FABP5: variants seen among roughly 807,000 people sequenced by gnomAD.
FABP5 encodes the protein fatty acid-binding protein 5.
Under a neutral mutation model 16.9 loss-of-function variants are expected in FABP5, and 7 were observed. The observed-to-expected ratio is 0.41, with a 90% confidence interval of 0.24 to 0.78. The LOEUF is 0.78. Among genes scored for constraint, FABP5 ranks in the 30% least tolerant of loss-of-function variants. FABP5 has a pLI of 0.30. For missense variants in FABP5, 119 were observed against 159.5 expected, an observed-to-expected ratio of 0.75 and a Z score of 1.37; for synonymous variants, 37 against 52.8, an observed-to-expected ratio of 0.70 and a Z score of 1.30.
At position 81,280,671 on chromosome 8, in the gene FABP5, C is replaced by G. The variant is rs1284716414; in HGVS notation, c.76C>G (p.Leu26Val). 6.4e-7 allele frequency: 1 copy of G among 1,557,040 alleles called. No individual in the cohort carries two copies. Among genetic ancestry groups the G allele is most frequent in the Non-Finnish European group, 8.7e-7 (1 of 1,149,422 alleles). The change falls in exon 1 of 4, where the codon CTA becomes GTA. Residue 26 changes from leucine to valine, a missense_variant. Leu to Val is a conservative substitution (Grantham distance 32). Coordinates refer to ENST00000297258, the MANE Select transcript of FABP5 (RefSeq NM_001444.3). ...SKGFDEYMKE[L>V]GVGIALRKMG... ...AGGCTTTGATGAATACATGAAGGAG[C>G]TAGGTGAGGCACCCGGCCTGGCAGC...
At chr8:81,284,224 G>T (rs537858815) in intron 3 of FABP5, 1 of 539,446 alleles carries the variant, frequency 1.9e-6, no homozygotes, top group South Asian at 3.0e-5. Context: ...TGAAATCTTG[G>T]CAAGCCACCA....
Position 81,283,975 on chromosome 8 carries a change from GT to G in FABP5, c.354+2del. The G allele has an allele frequency of 6.2e-7, 1 of 1,600,506 alleles. No homozygotes were observed. ...ATTGAAAGATGGGAAATTAGTGGTG[GT>G]AAGTGTCAAACTGCTGTGTCTCAGT... On this transcript the variant is annotated splice_donor_variant, in intron 3 of 3. Coordinates refer to ENST00000297258, the MANE Select transcript of FABP5 (RefSeq NM_001444.3). LOFTEE classifies it high-confidence loss of function.
intron 1 of FABP5, 157 bp from the exon 2 acceptor site, chr8:81,283,209 G>C (rs1351529779): frequency 2.0e-5 from 12 of 592,974 alleles, no homozygotes; most frequent in Non-Finnish European, 3.2e-5. Context: ...TATGTAAAGT[G>C]CTGGCTCATA....
Position 81,281,604 on chromosome 8 carries a change from A to G in FABP5, c.79+930A>G, listed in dbSNP as rs922727233. 5.1e-6 allele frequency: 5 copies of G among 985,436 alleles called. No homozygotes were observed. Among genetic ancestry groups the G allele is most frequent in the Non-Finnish European group, 6.0e-6 (5 of 829,932 alleles). The allele number at this position is 985,436 out of a possible 1,614,324, so 61.0% of individuals were successfully genotyped here. A position where few individuals can be genotyped will look rare whatever the true frequency, so the allele number is the denominator to read the frequency against. The stretch of plus-strand genomic sequence containing the variant: ...GGCCCTCCTGCGGCTAACTGCATGC[A>G]AGATGGGTGTGGCCCTGCAGAAGGC... On this transcript the variant is annotated intron_variant, in intron 1 of 3. Coordinates refer to ENST00000297258, the MANE Select transcript of FABP5 (RefSeq NM_001444.3). This position sits in a 1 kb window ranked among gnomAD's most constrained non-coding sequence, Gnocchi z 4.5.
rs1345763208 is a variant in FABP5, at chr8:81,283,523, T to C, written c.237T>C (p.Asp79=). The part of the protein sequence containing the change: ...LGEKFEETTA[D]GRKTQTVCNF... The stretch of plus-strand genomic sequence containing the variant: ...AGAAGTTTGAAGAAACCACAGCTGA[T>C]GGCAGAAAAACTCAGGTCAGTCGTG... The change falls in exon 2 of 4, where the codon GAT becomes GAC. Residue 79 remains aspartate (D), a synonymous_variant. Transcript: ENST00000297258. The C allele has an allele frequency of 6.2e-7, 1 of 1,610,576 alleles. No homozygotes were observed. The highest frequency in any genetic ancestry group is 1.7e-5 in the Admixed American group (1 of 59,270).
At chr8:81,282,833 A>G (rs537381201) in intron 1 of FABP5, among the ~76,000 whole-genome samples, 35 of 152,338 alleles carry the variant, frequency 2.3e-4, no homozygotes, top group African/African-American at 8.4e-4. Context: ...GAGAACATTT[A>G]TATGCCAGAC....
chr8:81,280,612 A>C lies in FABP5; in HGVS notation c.17A>C (p.Gln6Pro). 3 of 1,557,540 alleles carry C rather than the reference A, an allele frequency of 1.9e-6. No homozygotes were observed. The highest frequency in any genetic ancestry group is 1.7e-6 in the Non-Finnish European group (2 of 1,149,798). Residue 6 changes from glutamine to proline, a missense_variant, in exon 1 of 4, where the codon CAG (glutamine) becomes CCG (proline). By Grantham distance (76) the Gln-to-Pro change is moderately conservative. Coordinates refer to ENST00000297258, the MANE Select transcript of FABP5 (RefSeq NM_001444.3). Reference sequence around the variant, plus strand: ...GCACCCACCATGGCCACAGTTCAGCAGCTGGAAGGAAGATGGCGCCTGGTG... The same window carrying C: ...GCACCCACCATGGCCACAGTTCAGCCGCTGGAAGGAAGATGGCGCCTGGTG... The part of the protein sequence containing the change: MATVQ[Q>P]LEGRWRLVDS...
Position 81,281,806 on chromosome 8 carries a change from A to G in FABP5, c.79+1132A>G, listed in dbSNP as rs1807836602. ...AAATGGACCTTTGTCACAGGCCACT[A>G]GGAAGTGAGATGGAGTTAGCATAGC... On this transcript the variant is annotated intron_variant, in intron 1 of 3. Coordinates refer to ENST00000297258, the MANE Select transcript of FABP5 (RefSeq NM_001444.3). The surrounding 1 kb of genome is among the most constrained non-coding windows in gnomAD (Gnocchi z 4.5). 1 of 357,290 alleles carries G rather than the reference A, an allele frequency of 2.8e-6. No homozygotes were observed. The highest frequency in any genetic ancestry group is 3.9e-6 in the Non-Finnish European group (1 of 256,124). 22.1% of individuals were successfully genotyped at this position (357,290 alleles called of 1,614,324 possible).
intron 1 of FABP5, 148 bp downstream of exon 1, chr8:81,280,822 T>G: frequency 2.9e-6 from 2 of 693,686 alleles, no homozygotes; most frequent in Non-Finnish European, 2.5e-6. Flanking sequence ...ACGCGGCCGT[T>G]GGGTGCAGCG....
intron 3 of FABP5, 131 bp downstream of exon 3, chr8:81,284,105 T>C (rs1807875962): frequency 1.5e-6 from 1 of 661,106 alleles, no homozygotes; most frequent in East Asian, 2.7e-5. Flanking sequence ...AGTTAAATAC[T>C]AGAACACTAA....
chr8:81,284,425 C>T (rs896447548), intron 3 of FABP5, 89 bp from the exon 4 acceptor site: 5 of 843,330 alleles, frequency 5.9e-6, no homozygotes, highest in Non-Finnish European at 9.7e-6. Context: ...TACGTGATTT[C>T]GTGGGACTTT....
intron 1 of FABP5, among the ~76,000 whole-genome samples, chr8:81,282,760 G>A (rs1807852437): frequency 6.6e-6 from 1 of 151,938 alleles, no homozygotes; most frequent in African/African-American, 2.4e-5. Context: ...TTAAAAGATT[G>A]TGCTATTTGA....
At chr8:81,282,204 G>C (rs1368888463) in intron 1 of FABP5, among the ~76,000 whole-genome samples, 2 of 141,474 alleles carry the variant, frequency 1.4e-5, no homozygotes, top group South Asian at 2.3e-4. Flanking sequence ...GTGTGTACAA[G>C]TTTAAGGCCC....
intron 3 of FABP5, 77 bp from the exon 4 acceptor site, chr8:81,284,437 A>T: frequency 1.0e-6 from 1 of 961,888 alleles, no homozygotes; most frequent in Non-Finnish European, 1.6e-6. Context: ...TGGGACTTTG[A>T]TTCTAATGTT....
chr8:81,280,778 C>T, intron 1 of FABP5, 104 bp downstream of exon 1: 6 of 1,071,814 alleles, frequency 5.6e-6, no homozygotes, highest in Non-Finnish European at 8.3e-6. Flanking sequence ...AGATGCTCGG[C>T]GGCCTACCCC....
chr8:81,283,685 C>A, intron 2 of FABP5, 147 bp downstream of exon 2: 2 of 1,048,184 alleles, frequency 1.9e-6, no homozygotes, highest in Non-Finnish European at 2.7e-6. Flanking sequence ...TCAACTTCAT[C>A]ATAGAATTGG....
chr8:81,283,310 C>A, intron 1 of FABP5, 56 bp from the exon 2 acceptor site: 1 of 1,381,504 alleles, frequency 7.2e-7, no homozygotes, highest in East Asian at 2.3e-5. Flanking sequence ...TTGCTTTTAT[C>A]ATGTAAATGA....
intron 1 of FABP5, 166 bp from the exon 2 acceptor site, chr8:81,283,200 A>G (rs1048740574): frequency 3.8e-6 from 2 of 532,768 alleles, no homozygotes; most frequent in Admixed American, 7.8e-5. Flanking sequence ...AATTTCATAT[A>G]TGTAAAGTGC....
intron 3 of FABP5, 96 bp from the exon 4 acceptor site, chr8:81,284,418 G>C (rs1362030714): frequency 6.4e-6 from 5 of 786,850 alleles, no homozygotes; most frequent in Non-Finnish European, 1.1e-5. Flanking sequence ...AGTAGATTAC[G>C]TGATTTCGTG....
Sources: allele counts gnomAD v4.1 joint callset (sites outside exome capture counted in the v4.1 genomes callset), GRCh38; gene constraint gnomAD v4.1.1; non-coding constraint Gnocchi (gnomAD v3.1); transcripts MANE v1.5; gene names NCBI Gene and HGNC (gene_info 2026-07-23, HGNC 2026-07-21).